The following LRRC53 variants were observed in gnomAD, a reference collection of about 807,000 sequenced individuals.
LRRC53 encodes the protein leucine rich repeat containing 53, also known as leucine-rich repeat-containing protein 53.
A neutral mutation model predicts 13.6 loss-of-function variants in LRRC53; 25 were observed. The ratio of observed to expected loss-of-function variants is 1.83; its 90% CI spans 1.34 to 2.56. The LOEUF (loss-of-function observed/expected upper bound fraction) is 2.56, where lower values mean the gene tolerates loss of function less well. Ranked by LOEUF, LRRC53 falls within the 30% of genes most tolerant of loss-of-function variation. The pLI is 0.00. For synonymous variants in LRRC53, 204 were observed against 109.8 expected (o/e 1.86, Z -5.37); for missense variants, 527 against 275.8 (o/e 1.91, Z -6.45).
At chr1:74,502,475 A>T (rs1669681833) in intron 1 of LRRC53, among the ~76,000 whole-genome samples, 1 of 152,206 alleles carries the variant, frequency 6.6e-6, no homozygotes, top group Admixed American at 6.5e-5. Context: ...TCATAATTTA[A>T]TTTGGGCCTG....
At chr1:74,489,285 A>G in intron 1 of LRRC53, 1 of 1,594,226 alleles carries the variant, frequency 6.3e-7, no homozygotes, top group Non-Finnish European at 8.5e-7. Context: ...TCCATAAAAA[A>G]GCCCTGCATA....
chr1:74,534,512 T>A, the LRRC53 span, among the ~76,000 whole-genome samples: 1 of 152,104 alleles, frequency 6.6e-6, no homozygotes, highest in Non-Finnish European at 1.5e-5. Context: ...ACTGTCTGTT[T>A]TTAAGGCTCT....
At chr1:74,501,461 T>G (rs1343687102) in intron 1 of LRRC53, among the ~76,000 whole-genome samples, 2 of 143,534 alleles carry the variant, frequency 1.4e-5, no homozygotes, top group Non-Finnish European at 3.1e-5. Flanking sequence ...ACTTGGAGGG[T>G]TTTTTTTGTT....
At chr1:74,492,693 G>A (rs955139606) in intron 1 of LRRC53, among the ~76,000 whole-genome samples, 2 of 152,002 alleles carry the variant, frequency 1.3e-5, no homozygotes, top group Non-Finnish European at 2.9e-5. Context: ...TTGGAAATAG[G>A]TACTTAAACA....
chr1:74,510,277 C>T (rs1047123878), intron 1 of LRRC53, among the ~76,000 whole-genome samples: 21 of 152,122 alleles, frequency 1.4e-4, no homozygotes, highest in African/African-American at 4.1e-4. Context: ...GAGGCCGAGG[C>T]GGGCAGATCA....
chr1:74,497,710 G>C (rs1669401925), intron 1 of LRRC53, among the ~76,000 whole-genome samples: 1 of 151,982 alleles, frequency 6.6e-6, no homozygotes, highest in African/African-American at 2.4e-5. Flanking sequence ...CTTCTCTCCT[G>C]TTCCAGCTTC....
chr1:74,533,363 T>A, the LRRC53 span, among the ~76,000 whole-genome samples: 1 of 152,152 alleles, frequency 6.6e-6, no homozygotes, highest in Non-Finnish European at 1.5e-5. Flanking sequence ...CACAATGACA[T>A]ACCATCTCAC....
At chr1:74,474,113 AAAC>A (rs1276619435) in intron 4 of LRRC53, among the ~76,000 whole-genome samples, 2 of 152,166 alleles carry the variant, frequency 1.3e-5, no homozygotes, top group South Asian at 2.1e-4. Flanking sequence ...CTCAGTGTGA[AAAC>A]AACAGACTGG....
At chr1:74,494,104 CT>C (rs1196299508) in intron 1 of LRRC53, among the ~76,000 whole-genome samples, 1 of 152,124 alleles carries the variant, frequency 6.6e-6, no homozygotes, top group Non-Finnish European at 1.5e-5. Flanking sequence ...CCAGAAAAGA[CT>C]AGTTTAAAAT....
At chr1:74,501,889 T>C (rs571939609) in intron 1 of LRRC53, among the ~76,000 whole-genome samples, 9 of 152,222 alleles carry the variant, frequency 5.9e-5, no homozygotes, top group South Asian at 2.1e-4. Flanking sequence ...TATATATATA[T>C]ACATTTTCTT....
chr1:74,484,968 A>G (rs911386471), intron 1 of LRRC53, among the ~76,000 whole-genome samples: 5 of 152,056 alleles, frequency 3.3e-5, no homozygotes, highest in Admixed American at 3.3e-4. Context: ...GTAGAGAAGG[A>G]TGAGAGGTAA....
the LRRC53 span, among the ~76,000 whole-genome samples, chr1:74,522,255 T>A: frequency 6.6e-5 from 10 of 152,260 alleles, no homozygotes; most frequent in African/African-American, 9.6e-5. Flanking sequence ...TTAGGACAGA[T>A]CTGCTCTTGG....
In LRRC53 at chr1:74,495,952, A is replaced by T. The variant is rs45504796; in HGVS notation, c.-26-12577T>A. Among the ~76,000 whole-genome samples, 513 of 152,256 alleles carry T rather than the reference A, an allele frequency of 3.4e-3. 3 individuals carry two copies. Among genetic ancestry groups the T allele is most frequent in the African/African-American group, 0.012 (490 of 41,556 alleles). On this transcript the variant is annotated intron_variant, in intron 1 of 4. Transcript: ENST00000294635. ...GTGTTTAAAGTCAGAGAGCCCAAGG[A>T]TATAAAAATTGATGGACTAAGTACA...
intron 1 of LRRC53, among the ~76,000 whole-genome samples, chr1:74,501,492 G>T (rs962132122): frequency 2.6e-5 from 4 of 151,674 alleles, no homozygotes; most frequent in Non-Finnish European, 5.9e-5. Flanking sequence ...TTGTTTGTTT[G>T]TTTGTTTGTT....
chr1:74,511,115 T>G (rs1305808668), intron 1 of LRRC53, among the ~76,000 whole-genome samples: 3 of 152,084 alleles, frequency 2.0e-5, no homozygotes, highest in African/African-American at 7.2e-5. Context: ...CTGGAACTCC[T>G]GGTGATCACC....
chr1:74,489,311 G>A, intron 1 of LRRC53: 2 of 1,523,468 alleles, frequency 1.3e-6, no homozygotes, highest in African/African-American at 1.4e-5. Context: ...GGCTGTCAGG[G>A]AATGTAGATG....
the LRRC53 span, among the ~76,000 whole-genome samples, chr1:74,527,958 A>G: frequency 3.9e-5 from 6 of 152,168 alleles, no homozygotes; most frequent in Non-Finnish European, 8.8e-5. Context: ...AAGGGTTTCC[A>G]CAGGAGGTTG....
At chr1:74,503,134 A>G (rs1669719424) in intron 1 of LRRC53, among the ~76,000 whole-genome samples, 1 of 152,144 alleles carries the variant, frequency 6.6e-6, no homozygotes. Context: ...AAAAACAACA[A>G]CAATCTTTTA....
At chr1:74,519,304 C>A in the LRRC53 span, among the ~76,000 whole-genome samples, 1 of 84,806 alleles carries the variant, frequency 1.2e-5, no homozygotes, top group Non-Finnish European at 2.2e-5. Flanking sequence ...TGGGTTGGTT[C>A]TAAGTCTTTG....
Sources: gnomAD v4.1 joint callset for allele counts (sites outside exome capture counted in the v4.1 genomes callset) on GRCh38, gnomAD v4.1.1 for gene constraint, MANE v1.5 for transcripts, NCBI Gene and HGNC (gene_info 2026-07-23, HGNC 2026-07-21) for gene names.